The following SERINC2 variants were observed in gnomAD, a reference collection of about 807,000 sequenced individuals.
SERINC2 encodes the protein serine incorporator 2.
Under a neutral mutation model 54.2 loss-of-function variants are expected in SERINC2, and 56 were observed. The observed-to-expected ratio is 1.03, with a 90% CI of 0.83 to 1.29. The LOEUF is 1.29. Among genes scored for constraint, SERINC2 ranks in the 50% most tolerant of loss-of-function variants. The pLI, the probability that SERINC2 is intolerant of heterozygous loss-of-function variation, is 0.00. For missense variants in SERINC2, 614 were observed against 607.4 expected (o/e 1.01, Z -0.12); for synonymous variants, 272 against 253.1 (o/e 1.07, Z -0.71).
In SERINC2 at chr1:31,433,173, C is replaced by G. The variant is rs1553135116; in HGVS notation, c.1220C>G (p.Thr407Ser). 11 of 1,613,436 alleles carry G rather than the reference C, an allele frequency of 6.8e-6. No individual in the cohort carries two copies. Among genetic ancestry groups the G allele is most frequent in the Non-Finnish European group, 9.3e-6 (11 of 1,179,888 alleles). The change falls in exon 9 of 10, where the codon ACC becomes AGC. Residue 407 changes from threonine to serine, a missense_variant. Coordinates refer to ENST00000373709, the MANE Select transcript of SERINC2 (RefSeq NM_178865.5). ...LASLHVMMTL[T>S]NWYKPGETRK... ...TCACTGCACGTCATGATGACGCTCA[C>G]CAACTGGTACAAGTGCGTAGCTGGT...
rs1461276607 is a variant in SERINC2, at chr1:31,433,151, CT to C, written c.1199del (p.Leu400ArgfsTer4). The C allele has an allele frequency of 6.2e-7, 1 of 1,613,672 alleles. No homozygotes were observed. Among genetic ancestry groups the C allele is most frequent in the Admixed American group, 1.7e-5 (1 of 60,000 alleles). On this transcript the variant is annotated frameshift_variant, in exon 9 of 10. Transcript: ENST00000373709. LOFTEE classifies it high-confidence loss of function. ...CCACTTCTGCCTGGTGCTGGCCTCA[CT>C]GCACGTCATGATGACGCTCACCAAC... is the stretch of plus-strand genomic sequence containing the variant. The part of the protein sequence containing the change: ...FFHFCLVLAS[L>X]HVMMTLTNWY...
Position 31,423,715 on chromosome 1 carries a change from C to G in SERINC2, c.62C>G (p.Ala21Gly), listed in dbSNP as rs781790746. 6.2e-7 allele frequency: 1 copy of G among 1,610,622 alleles called. No homozygotes were observed. The highest frequency in any genetic ancestry group is 8.5e-7 in the Non-Finnish European group (1 of 1,179,908). The change falls in exon 2 of 10, where the codon GCC (alanine) becomes GGC (glycine). Residue 21 changes from alanine (A) to glycine (G), a missense_variant. Ala to Gly is a moderately conservative substitution (Grantham distance 60). Coordinates refer to ENST00000373709, the MANE Select transcript of SERINC2 (RefSeq NM_178865.5). ...CAGGCGTCCTGCCTCTGCGGCTCTG[C>G]CCCCTGCATCCTGTGCAGCTGCTGC... is the stretch of plus-strand genomic sequence containing the variant. The part of the protein sequence containing the change: ...LSCASCLCGS[A>G]PCILCSCCPA...
At chr1:31,427,475 T>C (rs1377519711) in intron 6 of SERINC2, among the ~76,000 whole-genome samples, 1 of 152,104 alleles carries the variant, frequency 6.6e-6, no homozygotes, top group Non-Finnish European at 1.5e-5. Context: ...GAGCCTCATA[T>C]CCCAGTAAGA....
intron 8 of SERINC2, among the ~76,000 whole-genome samples, chr1:31,431,768 A>T (rs1313203109): frequency 5.5e-5 from 8 of 146,240 alleles, no homozygotes; most frequent in African/African-American, 1.8e-4. Flanking sequence ...GAGAGGGTGG[A>T]GAGGGTGAAT....
intron 8 of SERINC2, among the ~76,000 whole-genome samples, chr1:31,431,902 G>C (rs1641243321): frequency 6.8e-6 from 1 of 147,756 alleles, no homozygotes; most frequent in Middle Eastern, 3.6e-3. Flanking sequence ...GGATAGGGTG[G>C]ATAGGGTGGA....
chr1:31,410,771 C>A (rs1418438108), upstream of SERINC2, among the ~76,000 whole-genome samples: 1 of 152,140 alleles, frequency 6.6e-6, no homozygotes, highest in African/African-American at 2.4e-5. Context: ...TGTGGCAGAA[C>A]AAGAATCCCA....
chr1:31,411,400 C>T (rs1392225271), upstream of SERINC2, among the ~76,000 whole-genome samples: 2 of 152,144 alleles, frequency 1.3e-5, no homozygotes, highest in Non-Finnish European at 1.5e-5. Flanking sequence ...TCGCGTGTCA[C>T]TACTTCTTTG....
intron 8 of SERINC2, among the ~76,000 whole-genome samples, chr1:31,429,853 C>A (rs927553524): frequency 6.6e-6 from 1 of 152,064 alleles, no homozygotes; most frequent in East Asian, 1.9e-4. Context: ...GTCTGTTTCT[C>A]CCCTGCTGTG....
intron 8 of SERINC2, among the ~76,000 whole-genome samples, chr1:31,432,086 GGGTGGACAGGGTGGACAGGGTGGAT>G (rs1641281556): frequency 3.2e-5 from 4 of 123,476 alleles, no homozygotes; most frequent in Non-Finnish European, 5.1e-5. Flanking sequence ...AGGGTGGTTA[GGGTGGACAGGGTGGACAGGGTGGAT>G]AGGGTGGTTA....
Position 31,434,482 on chromosome 1 carries a change from A to C in SERINC2, c.*283A>C. 1 of 455,662 alleles carries C rather than the reference A, an allele frequency of 2.2e-6. No homozygotes were observed. The allele number at this position is 455,662 out of a possible 1,614,324, so 28.2% of individuals were successfully genotyped here. On this transcript the variant is annotated 3_prime_UTR_variant, in exon 10 of 10. Transcript: ENST00000373709. ...GCCCATACTCAGCATCTCGGATGAA[A>C]GGGCTCCCTTGTCCTCAGGCTCCAC...
In SERINC2 at chr1:31,413,842, C is replaced by T. The variant is rs1278565805; in HGVS notation, c.39+538C>T. On this transcript the variant is annotated intron_variant, in intron 1 of 9. Coordinates refer to ENST00000373709, the MANE Select transcript of SERINC2 (RefSeq NM_178865.5). The surrounding 1 kb of genome is among the most constrained non-coding windows in gnomAD (Gnocchi z 5.0). ...TTGTCTGGTTCCTGTCTGTGTCCGT[C>T]GTTCGTCCGACTGTCTTTGTCCGTC... The T allele has an allele frequency of 2.1e-6, 3 of 1,412,470 alleles. No individual in the cohort carries two copies. In the African/African-American group the frequency reaches 4.4e-5, roughly 21 times the overall value. 87.5% of individuals were successfully genotyped at this position (1,412,470 alleles called of 1,614,324 possible).
intron 8 of SERINC2, among the ~76,000 whole-genome samples, chr1:31,432,049 AGGG>A (rs1641269314): frequency 7.6e-6 from 1 of 131,934 alleles, no homozygotes; most frequent in African/African-American, 3.1e-5. Context: ...CAGGGTGGAC[AGGG>A]TGGACAGGGT....
At position 31,419,977 on chromosome 1, in the gene SERINC2, C is replaced by G. The variant is rs186509308; in HGVS notation, c.40-3716C>G. On this transcript the variant is annotated intron_variant, in intron 1 of 9. Coordinates refer to ENST00000373709, the MANE Select transcript of SERINC2 (RefSeq NM_178865.5). ...TGAGCCGAGATGGTACCACTGCACT[C>G]TAGCTTGGGTGACAGAACGAGATCC... Among the ~76,000 whole-genome samples, 229 of 151,994 alleles carry G rather than the reference C, an allele frequency of 1.5e-3. 1 individual carries two copies. The highest frequency in any genetic ancestry group is 5.3e-3 in the African/African-American group (221 of 41,434).
rs1641219337 is a variant in SERINC2 at position 31,431,787 on chromosome 1, TAGGGTGGATAGGGTGGAC to T, written c.1014-1171_1014-1154del. Among the ~76,000 whole-genome samples, 9 of 12,014 alleles carry T rather than the reference TAGGGTGGATAGGGTGGAC, an allele frequency of 7.5e-4. No individual in the cohort carries two copies. The South Asian group carries it at 0.011, about 15-fold the overall frequency. The allele number at this position is 12,014 out of a possible 152,430, so 7.9% of individuals were successfully genotyped here. On this transcript the variant is annotated intron_variant, in intron 8 of 9. Coordinates refer to ENST00000373709, the MANE Select transcript of SERINC2 (RefSeq NM_178865.5). Reference sequence around the variant, plus strand: ...GGGTGGAGAGGGTGAATAGGGTGGATAGGGTGGATAGGGTGGACAGGGTGGACAGGGTGGATAGGGTGG... The same window carrying T: ...GGGTGGAGAGGGTGAATAGGGTGGATAGGGTGGACAGGGTGGATAGGGTGG...
rs781838495 is a variant in SERINC2, at chr1:31,424,766, C to T, written c.285C>T (p.Arg95=). ...ACTGTGGCTCCCTGCTTGGCTACCG[C>T]GCTGTCTACCGCATGTGCTTCGCCA... ...HIDCGSLLGY[R]AVYRMCFATA... Residue 95 remains arginine, a synonymous_variant, in exon 3 of 10, where the codon CGC becomes CGT. Coordinates refer to ENST00000373709, the MANE Select transcript of SERINC2 (RefSeq NM_178865.5). The T allele has an allele frequency of 2.1e-5, 34 of 1,611,774 alleles. No individual in the cohort carries two copies. Among genetic ancestry groups the T allele is most frequent in the East Asian group, 6.7e-5 (3 of 44,804 alleles).
At chr1:31,432,277 T>C (rs908137806) in intron 8 of SERINC2, among the ~76,000 whole-genome samples, 2 of 150,344 alleles carry the variant, frequency 1.3e-5, no homozygotes, top group Non-Finnish European at 3.0e-5. Flanking sequence ...TTTGCTGGGG[T>C]GGCGGGGCTG....
chr1:31,429,130 G>T (rs1474943420), intron 7 of SERINC2, 62 bp downstream of exon 7: 1 of 1,436,110 alleles, frequency 7.0e-7, no homozygotes, highest in Non-Finnish European at 9.8e-7. Flanking sequence ...TCAGTCTACT[G>T]TGGGGCTGGG....
chr1:31,429,139 G>C (rs1570056696), intron 7 of SERINC2, 71 bp downstream of exon 7: 2 of 1,386,280 alleles, frequency 1.4e-6, no homozygotes, highest in South Asian at 2.3e-5. Context: ...TGTGGGGCTG[G>C]GGACCCTCAC....
Position 31,434,494 on chromosome 1 carries a change from T to A in SERINC2, c.*295T>A. On this transcript the variant is annotated 3_prime_UTR_variant, in exon 10 of 10. Coordinates refer to ENST00000373709, the MANE Select transcript of SERINC2 (RefSeq NM_178865.5). The stretch of plus-strand genomic sequence containing the variant: ...CATCTCGGATGAAAGGGCTCCCTTG[T>A]CCTCAGGCTCCACGGGAGCGGGGCT... The A allele has an allele frequency of 2.4e-6, 1 of 413,790 alleles. No individual in the cohort carries two copies. The highest frequency in any genetic ancestry group is 4.4e-6 in the Non-Finnish European group (1 of 228,672). 25.6% of individuals were successfully genotyped at this position (413,790 alleles called of 1,614,324 possible).
Sources: allele counts gnomAD v4.1 joint callset (sites outside exome capture counted in the v4.1 genomes callset), GRCh38; gene constraint gnomAD v4.1.1; non-coding constraint Gnocchi (gnomAD v3.1); transcripts MANE v1.5; gene names NCBI Gene and HGNC (gene_info 2026-07-23, HGNC 2026-07-21).